NAALAD2: variants seen among roughly 807,000 people sequenced by gnomAD.
NAALAD2 encodes N-acetylated-alpha-linked acidic dipeptidase 2.
In NAALAD2, 89 loss-of-function variants were observed where a neutral mutation model predicts 95.6. That is an observed-to-expected ratio of 0.93 (90% CI 0.78 to 1.11). The LOEUF is 1.11. Ranked by LOEUF, NAALAD2 falls within the 50% of genes least tolerant of loss-of-function variation. NAALAD2 has a pLI of 0.00. For synonymous variants in NAALAD2, 264 were observed against 294.4 expected (o/e 0.90, Z 1.06); for missense variants, 894 against 872.4 (o/e 1.02, Z -0.31).
At chr11:90,144,413 C>T (rs1323371755) in intron 2 of NAALAD2, among the ~76,000 whole-genome samples, 1 of 152,040 alleles carries the variant, frequency 6.6e-6, no homozygotes, top group Admixed American at 6.6e-5. Flanking sequence ...AAACAGCCGG[C>T]ATGTGAGCAG....
upstream of NAALAD2, among the ~76,000 whole-genome samples, chr11:90,133,448 C>T (rs1951384255): frequency 6.6e-6 from 1 of 151,854 alleles, no homozygotes; most frequent in African/African-American, 2.4e-5. Flanking sequence ...GCTTCCCCTT[C>T]ACCCTCTGAA....
upstream of NAALAD2, among the ~76,000 whole-genome samples, chr11:90,133,755 C>T (rs944505569): frequency 2.0e-5 from 3 of 152,154 alleles, no homozygotes; most frequent in East Asian, 1.9e-4. Context: ...CAGAAGGCTG[C>T]CAGTTGTATT....
intron 6 of NAALAD2, among the ~76,000 whole-genome samples, chr11:90,156,156 A>C (rs1291461595): frequency 1.3e-5 from 2 of 151,804 alleles, no homozygotes; most frequent in East Asian, 3.9e-4. Flanking sequence ...GAAGTTTATT[A>C]GTTTTATTGA....
intron 2 of NAALAD2, among the ~76,000 whole-genome samples, chr11:90,136,954 C>A (rs1417887028): frequency 6.6e-6 from 1 of 152,052 alleles, no homozygotes; most frequent in East Asian, 1.9e-4. Context: ...AGCCAAGATA[C>A]CAAATCAACC....
intron 2 of NAALAD2, among the ~76,000 whole-genome samples, chr11:90,140,926 G>C (rs1445112475): frequency 6.6e-6 from 1 of 152,074 alleles, no homozygotes; most frequent in Admixed American, 6.6e-5. Flanking sequence ...TCTTTTGCTT[G>C]AGAATGGCCA....
At chr11:90,182,892 A>G in intron 17 of NAALAD2, 24 bp from the exon 18 acceptor site, 1 of 1,507,352 alleles carries the variant, frequency 6.6e-7, no homozygotes, top group South Asian at 1.1e-5. Flanking sequence ...TTGCGTTATA[A>G]TTATGTATAT....
intron 1 of NAALAD2, chr11:90,135,172 G>T: frequency 3.1e-6 from 1 of 321,870 alleles, no homozygotes; most frequent in Non-Finnish European, 5.7e-6. Context: ...CAACTAATAC[G>T]GGCAGCATTA....
At chr11:90,133,865 G>A (rs1289615355), upstream of NAALAD2, among the ~76,000 whole-genome samples, 1 of 151,796 alleles carries the variant, frequency 6.6e-6, no homozygotes, top group African/African-American at 2.4e-5. Flanking sequence ...GCCTTTAGTA[G>A]TTCTGGACTT....
chr11:90,183,519 G>A (rs971365178), intron 18 of NAALAD2, among the ~76,000 whole-genome samples: 1 of 152,084 alleles, frequency 6.6e-6, no homozygotes, highest in Non-Finnish European at 1.5e-5. Context: ...AATAAGTTTA[G>A]CTCTATTTCC....
intron 11 of NAALAD2, among the ~76,000 whole-genome samples, chr11:90,165,155 A>G (rs970363778): frequency 1.3e-5 from 2 of 152,030 alleles, no homozygotes; most frequent in African/African-American, 4.8e-5. Flanking sequence ...TAGTCTCATC[A>G]TTTTTTACGA....
At chr11:90,182,147 C>T (rs1952991108) in intron 17 of NAALAD2, among the ~76,000 whole-genome samples, 6 of 151,984 alleles carry the variant, frequency 3.9e-5, no homozygotes, top group Admixed American at 3.9e-4. Flanking sequence ...TCCTGTGTAC[C>T]AGTTTAGAAA....
At chr11:90,146,282 T>TA (rs760910686) in intron 2 of NAALAD2, among the ~76,000 whole-genome samples, 1,450 of 108,362 alleles carry the variant, frequency 0.013, 26 homozygotes, top group African/African-American at 0.042. Flanking sequence ...TCCGGTTAAC[T>TA]AAAAAAAAAA....
At chr11:90,168,643 AAGGAACCACACTTTG>A (rs1286769572) in intron 11 of NAALAD2, among the ~76,000 whole-genome samples, 1 of 152,198 alleles carries the variant, frequency 6.6e-6, no homozygotes, top group East Asian at 1.9e-4. Flanking sequence ...GCAGGGAATC[AAGGAACCACACTTTG>A]AAAATATTTT....
intron 9 of NAALAD2, 89 bp from the exon 10 acceptor site, chr11:90,163,221 A>T (rs1952344533): frequency 2.1e-6 from 3 of 1,413,784 alleles, no homozygotes; most frequent in Non-Finnish European, 2.9e-6. Context: ...AGGAAACTCA[A>T]GCAAGAGGAT....
rs114807519 is a variant in NAALAD2, at chr11:90,144,094, T to G, written c.195-3236T>G. On this transcript the variant is annotated intron_variant, in intron 2 of 18. Coordinates refer to ENST00000534061, the MANE Select transcript of NAALAD2 (RefSeq NM_005467.4). ...GATACAGGAAAAGAATGAGTAGGAATGAACATCACTTGAAGAGAGATACAC... is the reference window on the plus strand; with the variant it reads ...GATACAGGAAAAGAATGAGTAGGAAGGAACATCACTTGAAGAGAGATACAC... Among the ~76,000 whole-genome samples the G allele has an allele frequency of 3.4e-3, 512 of 152,216 alleles. 3 individuals are homozygous for G. The highest frequency in any genetic ancestry group is 0.012 in the African/African-American group (482 of 41,516).
At chr11:90,167,979 C>T (rs1468882901) in intron 11 of NAALAD2, among the ~76,000 whole-genome samples, 4 of 152,160 alleles carry the variant, frequency 2.6e-5, no homozygotes, top group Admixed American at 6.5e-5. Flanking sequence ...TCTGGGGTCT[C>T]CTTCCACGTT....
chr11:90,134,201 A>G (rs1026890692), upstream of NAALAD2, among the ~76,000 whole-genome samples: 9 of 152,176 alleles, frequency 5.9e-5, no homozygotes, highest in African/African-American at 2.2e-4. Context: ...TGTTTAAGTA[A>G]AGGGGAACAA....
At chr11:90,181,736 A>T (rs775243945) in intron 17 of NAALAD2, 35 bp downstream of exon 17, 2 of 1,314,996 alleles carry the variant, frequency 1.5e-6, no homozygotes, top group South Asian at 1.3e-5. Context: ...TAAAAAAAAA[A>T]AAAAAAGCAA....
At chr11:90,191,418 A>G (rs950736325) in intron 18 of NAALAD2, 140 bp from the exon 19 acceptor site, 18 of 499,156 alleles carry the variant, frequency 3.6e-5, no homozygotes, top group South Asian at 6.1e-5. Flanking sequence ...TATGATTCGC[A>G]TAAGTATCTC....
Sources: allele counts gnomAD v4.1 joint callset (sites outside exome capture counted in the v4.1 genomes callset), GRCh38; gene constraint gnomAD v4.1.1; transcripts MANE v1.5; gene names NCBI Gene and HGNC (gene_info 2026-07-23, HGNC 2026-07-21).